APAF1: variants seen among roughly 807,000 people sequenced by gnomAD.
APAF1 encodes apoptotic peptidase activating factor 1, also known as apoptotic protease-activating factor 1.
A neutral mutation model predicts 152.4 loss-of-function variants in APAF1; 91 were observed. The observed-to-expected ratio is 0.60, with a 90% confidence interval of 0.50 to 0.71. The LOEUF is 0.71. Among genes scored for constraint, APAF1 ranks in the 30% least tolerant of loss-of-function variants. The pLI is 0.00. For synonymous variants in APAF1, 484 were observed against 494.1 expected (o/e 0.98, Z 0.27); for missense variants, 1,283 against 1,472.0 (o/e 0.87, Z 2.10).
At chr12:98,720,376 T>C (rs1465696155) in intron 22 of APAF1, among the ~76,000 whole-genome samples, 1 of 152,246 alleles carries the variant, frequency 6.6e-6, no homozygotes, top group Non-Finnish European at 1.5e-5. Context: ...GAGAAATGAC[T>C]GGTTGGGTTT....
chr12:98,715,887 A>G (rs571100868), intron 22 of APAF1, among the ~76,000 whole-genome samples: 1 of 152,320 alleles, frequency 6.6e-6, no homozygotes, highest in African/African-American at 2.4e-5. Context: ...TTACAGTAGT[A>G]AAATCCAATG....
intron 4 of APAF1, among the ~76,000 whole-genome samples, chr12:98,658,206 G>T (rs988950468): frequency 6.6e-6 from 1 of 152,022 alleles, no homozygotes; most frequent in African/African-American, 2.4e-5. Flanking sequence ...TTATGTGGAG[G>T]TGATTAAGTA....
intron 13 of APAF1, among the ~76,000 whole-genome samples, chr12:98,678,234 T>C (rs1305101758): frequency 6.6e-6 from 1 of 152,260 alleles, no homozygotes; most frequent in Non-Finnish European, 1.5e-5. Flanking sequence ...TATTTGATTG[T>C]TAAGAATTTG....
Position 98,648,811 on chromosome 12 carries a change from G to T in APAF1, c.324G>T (p.Ser108=), listed in dbSNP as rs146324917. 4 of 1,613,134 alleles carry T rather than the reference G, an allele frequency of 2.5e-6. No homozygotes were observed. Among genetic ancestry groups the T allele is most frequent in the Non-Finnish European group, 3.4e-6 (4 of 1,179,504 alleles). The change falls in exon 3 of 27, where the codon TCG becomes TCT. Residue 108 remains serine, a synonymous_variant. Transcript: ENST00000551964. ...AAGATTCAGTTAGTGGAATAACTTC[G>T]TATGGTTTGTATCCATTATACCTTC... ...SGKDSVSGIT[S]YVRTVLCEGG... is the part of the protein sequence containing the mutation.
intron 26 of APAF1, among the ~76,000 whole-genome samples, chr12:98,727,617 A>G: frequency 6.6e-6 from 1 of 152,064 alleles, no homozygotes. Context: ...AAAAATATTG[A>G]AAACAAAAAA....
intron 5 of APAF1, among the ~76,000 whole-genome samples, chr12:98,661,952 C>A (rs1457506522): frequency 6.6e-6 from 1 of 151,948 alleles, no homozygotes; most frequent in Non-Finnish European, 1.5e-5. Flanking sequence ...TTAAAAAAAA[C>A]CACTTGTATA....
chr12:98,710,179 G>GT (rs71443529), intron 20 of APAF1, among the ~76,000 whole-genome samples: 5,528 of 127,648 alleles, frequency 0.043, 309 homozygotes, highest in African/African-American at 0.13. Context: ...CGGCCTAAGG[G>GT]TTTTTTTTTT....
At chr12:98,724,448 A>T (rs2097747514) in intron 24 of APAF1, among the ~76,000 whole-genome samples, 1 of 152,164 alleles carries the variant, frequency 6.6e-6, no homozygotes, top group African/African-American at 2.4e-5. Context: ...TAGGCCAACC[A>T]CTTAGCTCCT....
At position 98,659,059 on chromosome 12, in the gene APAF1, T is replaced by A. The variant is rs1593028716; in HGVS notation, c.527-101T>A. On this transcript the variant is annotated intron_variant, in intron 4 of 26. Transcript: ENST00000551964. ...AAATCAAGAGAAGTTGAAGATGTGA[T>A]GGGATTGTAAATTGGAGTAAATCTG... 1.2e-5 allele frequency: 14 copies of A among 1,150,768 alleles called. No homozygotes were observed. In the East Asian group the frequency reaches 3.3e-4, roughly 27 times the overall value. 71.3% of individuals were successfully genotyped at this position (1,150,768 alleles called of 1,614,324 possible).
At chr12:98,673,455 A>T (rs1011041810) in intron 12 of APAF1, among the ~76,000 whole-genome samples, 1 of 151,752 alleles carries the variant, frequency 6.6e-6, no homozygotes. Context: ...AAAAAAAAAA[A>T]ACAAAAAAAA....
At chr12:98,705,108 C>T (rs772883514) in intron 18 of APAF1, among the ~76,000 whole-genome samples, 3 of 132,144 alleles carry the variant, frequency 2.3e-5, no homozygotes, top group Admixed American at 1.5e-4. Context: ...TGTAGATCCT[C>T]AAAGTAAATG....
chr12:98,653,236 A>G (rs1357119777), intron 4 of APAF1, among the ~76,000 whole-genome samples: 2 of 152,114 alleles, frequency 1.3e-5, no homozygotes, highest in African/African-American at 4.8e-5. Flanking sequence ...TTGACATTTA[A>G]TTGTATTGCA....
intron 9 of APAF1, 78 bp from the exon 10 acceptor site, chr12:98,667,435 G>A: frequency 6.4e-7 from 1 of 1,560,186 alleles, no homozygotes; most frequent in Non-Finnish European, 8.8e-7. Flanking sequence ...ATTCTTAATA[G>A]CTTTGGAAGC....
intron 17 of APAF1, among the ~76,000 whole-genome samples, chr12:98,700,627 T>C (rs1225061538): frequency 1.3e-5 from 2 of 152,236 alleles, no homozygotes; most frequent in Non-Finnish European, 2.9e-5. Flanking sequence ...GCATATAATG[T>C]AAAAGTTGCC....
chr12:98,659,103 A>G (rs2097661408), intron 4 of APAF1, 57 bp from the exon 5 acceptor site: 1 of 1,510,922 alleles, frequency 6.6e-7, no homozygotes, highest in Admixed American at 1.7e-5. Flanking sequence ...CAGTAAAACC[A>G]TTTAAAGGAG....
At chr12:98,711,573 T>A (rs1704010353) in intron 20 of APAF1, among the ~76,000 whole-genome samples, 1 of 152,238 alleles carries the variant, frequency 6.6e-6, no homozygotes, top group Non-Finnish European at 1.5e-5. Context: ...CAAAGATGCC[T>A]GCCTATTTCA....
chr12:98,667,248 A>T (rs1461198339), intron 9 of APAF1, among the ~76,000 whole-genome samples: 1 of 151,768 alleles, frequency 6.6e-6, no homozygotes, highest in Non-Finnish European at 1.5e-5. Context: ...GGCATATGCC[A>T]CCACACCTGA....
chr12:98,683,348 G>A lies in APAF1; in HGVS notation c.2178+74G>A, dbSNP rs146673680. On this transcript the variant is annotated intron_variant, in intron 15 of 26. Coordinates refer to ENST00000551964, the MANE Select transcript of APAF1 (RefSeq NM_181861.2). ...AGAGTATCTCCTTTGATTTTCTTAT[G>A]TATACTACTATTAGGACTTTCTGGT... is the stretch of plus-strand genomic sequence containing the variant. The A allele has an allele frequency of 1.1e-5, 16 of 1,424,488 alleles. No individual in the cohort carries two copies. In the African/African-American group the frequency reaches 1.5e-4, roughly 14 times the overall value. 88.2% of individuals were successfully genotyped at this position (1,424,488 alleles called of 1,614,324 possible).
chr12:98,654,820 T>TC (rs1422252603), intron 4 of APAF1, among the ~76,000 whole-genome samples: 3 of 148,168 alleles, frequency 2.0e-5, no homozygotes, highest in East Asian at 1.9e-4. Flanking sequence ...TATTTTCTTT[T>TC]TTTTTTTTTT....
Sources: allele counts gnomAD v4.1 joint callset (sites outside exome capture counted in the v4.1 genomes callset), GRCh38; gene constraint gnomAD v4.1.1; transcripts MANE v1.5; gene names NCBI Gene and HGNC (gene_info 2026-07-23, HGNC 2026-07-21).